Variants in SRPK2 observed in about 807,000 individuals in gnomAD.
SRPK2 encodes SFRS protein kinase 2.
In SRPK2, 21 loss-of-function variants were observed where a neutral mutation model predicts 90.8. The ratio of observed to expected loss-of-function variants is 0.23; its 90% CI spans 0.16 to 0.33. SRPK2 has a LOEUF of 0.33. Ranked by LOEUF, SRPK2 falls within the 10% of genes least tolerant of loss-of-function variation. The pLI is 1.00. For missense variants in SRPK2, 620 were observed against 869.0 expected (o/e 0.71, Z 3.60); for synonymous variants, 288 against 311.1 (o/e 0.93, Z 0.78).
intron 2 of SRPK2, among the ~76,000 whole-genome samples, chr7:105,213,001 T>C (rs141673692): frequency 7.3e-4 from 111 of 152,252 alleles, no homozygotes; most frequent in Middle Eastern, 3.4e-3. Flanking sequence ...TGAAAGTATA[T>C]AGGAGCATGT....
chr7:105,315,748 C>A (rs1444907094), intron 2 of SRPK2, among the ~76,000 whole-genome samples: 1 of 152,170 alleles, frequency 6.6e-6, no homozygotes, highest in Non-Finnish European at 1.5e-5. Context: ...ATTCCTTTGG[C>A]AAGTCCAGAT....
chr7:105,126,684 G>A (rs1046254427), intron 14 of SRPK2, among the ~76,000 whole-genome samples: 1 of 152,100 alleles, frequency 6.6e-6, no homozygotes, highest in Non-Finnish European at 1.5e-5. Flanking sequence ...TGGTCAAAAG[G>A]ACCACATAGA....
At chr7:105,257,330 T>C (rs953073584) in intron 2 of SRPK2, among the ~76,000 whole-genome samples, 2 of 152,262 alleles carry the variant, frequency 1.3e-5, no homozygotes, top group South Asian at 2.1e-4. Context: ...ATTGTTATTA[T>C]AATAGCTGCT....
chr7:105,285,611 C>G (rs956946347), intron 2 of SRPK2, among the ~76,000 whole-genome samples: 3 of 152,070 alleles, frequency 2.0e-5, no homozygotes, highest in Non-Finnish European at 4.4e-5. Flanking sequence ...GGGATGGATC[C>G]CGCATGAATG....
chr7:105,244,836 A>G, intron 2 of SRPK2: 1 of 1,031,086 alleles, frequency 9.7e-7, no homozygotes, highest in Non-Finnish European at 1.5e-6. Flanking sequence ...GAGTTACTGA[A>G]AGGTCTCCAA....
intron 1 of SRPK2, among the ~76,000 whole-genome samples, chr7:105,397,294 G>T (rs1191965087): frequency 6.6e-6 from 1 of 150,516 alleles, no homozygotes; most frequent in Non-Finnish European, 1.5e-5. Flanking sequence ...GGGATTAAAG[G>T]CATGAGCCAC....
intron 2 of SRPK2, among the ~76,000 whole-genome samples, chr7:105,276,789 C>T (rs1057229806): frequency 6.6e-6 from 1 of 152,126 alleles, no homozygotes; most frequent in African/African-American, 2.4e-5. Context: ...ACAGGGAATA[C>T]TGCAAGAATA....
intron 9 of SRPK2, 69 bp downstream of exon 9, chr7:105,145,214 T>C: frequency 7.8e-7 from 1 of 1,277,310 alleles, no homozygotes; most frequent in Non-Finnish European, 1.1e-6. Flanking sequence ...TTTTTATAAT[T>C]TGAACAACTC....
chr7:105,268,620 A>T (rs901259800), intron 2 of SRPK2, among the ~76,000 whole-genome samples: 2 of 152,190 alleles, frequency 1.3e-5, no homozygotes, highest in Admixed American at 1.3e-4. Flanking sequence ...TATTTTTCTT[A>T]AAAAAATCAA....
chr7:105,117,129 T>C lies in SRPK2; in HGVS notation c.*709A>G, dbSNP rs1238230268. 6.6e-6 allele frequency: 1 copy of C among 152,246 alleles called. No individual in the cohort carries two copies. The highest frequency in any genetic ancestry group is 1.5e-5 in the Non-Finnish European group (1 of 68,052). 9.4% of individuals were successfully genotyped at this position (152,246 alleles called of 1,614,324 possible). ...TATTTTAGAATGAGAAACATATCTT[T>C]TCTTCCTTTAAAGTGCCATATAGAG... On this transcript the variant is annotated 3_prime_UTR_variant, in exon 16 of 16. Transcript: ENST00000393651.
chr7:105,195,902 G>T (rs1034911486), intron 3 of SRPK2, among the ~76,000 whole-genome samples: 2 of 152,214 alleles, frequency 1.3e-5, no homozygotes, highest in African/African-American at 4.8e-5. Context: ...TCAAGGCTCT[G>T]CCCTTAAGTA....
intron 2 of SRPK2, among the ~76,000 whole-genome samples, chr7:105,246,062 G>A (rs796568733): frequency 5.9e-5 from 9 of 152,258 alleles, no homozygotes; most frequent in African/African-American, 2.2e-4. Context: ...AAGCTGGAAG[G>A]TTACATCGGC....
intron 3 of SRPK2, among the ~76,000 whole-genome samples, chr7:105,176,679 A>ATG (rs201322744): frequency 1.5e-5 from 2 of 133,934 alleles, no homozygotes; most frequent in Non-Finnish European, 1.6e-5. Context: ...AGATGTATGC[A>ATG]TGTGTGTGTG....
At chr7:105,380,847 A>G (rs1008913040) in intron 2 of SRPK2, among the ~76,000 whole-genome samples, 1 of 151,728 alleles carries the variant, frequency 6.6e-6, no homozygotes, top group Admixed American at 6.6e-5. Context: ...AATTAAAAAT[A>G]ATTAGTGGAG....
chr7:105,325,812 C>A (rs1813515013), intron 2 of SRPK2, among the ~76,000 whole-genome samples: 1 of 152,212 alleles, frequency 6.6e-6, no homozygotes, highest in African/African-American at 2.4e-5. Context: ...CTAGATCGCA[C>A]AACTGCACTC....
rs577959647 is a variant in SRPK2 at position 105,202,092 on chromosome 7, C to G, written c.229+1536G>C. ...GTTGTAACCACTATTCAGACAAATG[C>G]TAAGTAAGATCTACACTCTTTTCTA... On this transcript the variant is annotated intron_variant, in intron 3 of 15. Transcript: ENST00000393651. 5.3e-5 allele frequency among the ~76,000 whole-genome samples: 6 copies of G among 112,246 alleles called. No individual in the cohort carries two copies. The East Asian group carries it at 1.5e-3, about 29-fold the overall frequency. 73.6% of individuals were successfully genotyped at this position (112,246 alleles called of 152,430 possible). A position where few individuals can be genotyped will look rare whatever the true frequency, so the allele number is the denominator to read the frequency against.
intron 3 of SRPK2, among the ~76,000 whole-genome samples, chr7:105,199,245 GTGA>G (rs1352114834): frequency 6.6e-6 from 1 of 152,136 alleles, no homozygotes; most frequent in Non-Finnish European, 1.5e-5. Context: ...TACATTTCCT[GTGA>G]TGAACAAATT....
intron 2 of SRPK2, among the ~76,000 whole-genome samples, chr7:105,268,369 T>A (rs79654593): frequency 0.039 from 5,955 of 152,310 alleles, 171 homozygotes; most frequent in Non-Finnish European, 0.062. Flanking sequence ...TAAGAATAAA[T>A]ATTTATTACA....
intron 6 of SRPK2, among the ~76,000 whole-genome samples, chr7:105,164,258 A>G (rs1243711885): frequency 6.6e-6 from 1 of 152,214 alleles, no homozygotes; most frequent in Non-Finnish European, 1.5e-5. Context: ...CCTGCTTATT[A>G]TGAGAGCTAA....
Sources: gnomAD v4.1 joint callset for allele counts (sites outside exome capture counted in the v4.1 genomes callset) on GRCh38, gnomAD v4.1.1 for gene constraint, MANE v1.5 for transcripts, NCBI Gene and HGNC (gene_info 2026-07-23, HGNC 2026-07-21) for gene names.